ZNF207: variants seen among roughly 807,000 people sequenced by gnomAD.
ZNF207 encodes BUB3-interacting and GLEBS motif-containing protein ZNF207.
A neutral mutation model predicts 60.2 loss-of-function variants in ZNF207; 24 were observed. That is an observed-to-expected ratio of 0.40 (90% CI 0.29 to 0.56). The LOEUF is 0.56. ZNF207 is among the 20% of genes least tolerant of loss of function. The pLI, the probability that ZNF207 is intolerant of heterozygous loss-of-function variation, is 0.49. For synonymous variants in ZNF207, 236 were observed against 194.7 expected, an observed-to-expected ratio of 1.21 and a Z score of -1.77; for missense variants, 452 against 636.6, an observed-to-expected ratio of 0.71 and a Z score of 3.12.
At chr17:32,366,345 C>A (rs1905161121) in intron 8 of ZNF207, among the ~76,000 whole-genome samples, 1 of 152,106 alleles carries the variant, frequency 6.6e-6, no homozygotes, top group Admixed American at 6.5e-5. Context: ...ATCATTGATA[C>A]AGAATTGGAT....
At chr17:32,353,134 A>G (rs1282360303) in intron 2 of ZNF207, among the ~76,000 whole-genome samples, 1 of 152,226 alleles carries the variant, frequency 6.6e-6, no homozygotes, top group East Asian at 1.9e-4. Flanking sequence ...AGATGGTGCC[A>G]CTGCATTCCA....
At chr17:32,365,542 T>C (rs1905120375) in intron 8 of ZNF207, 55 bp downstream of exon 8, 1 of 1,527,712 alleles carries the variant, frequency 6.5e-7, no homozygotes, top group South Asian at 1.3e-5. Context: ...AAAGTACAGT[T>C]GTTTACAGAA....
intron 3 of ZNF207, 128 bp downstream of exon 3, chr17:32,358,769 T>A (rs1597771658): frequency 3.0e-6 from 2 of 675,954 alleles, no homozygotes; most frequent in Non-Finnish European, 4.2e-6. Context: ...CTGCATCTTC[T>A]GCCTCCGGGG....
At chr17:32,352,249 C>A (rs2041521915) in intron 2 of ZNF207, among the ~76,000 whole-genome samples, 1 of 152,080 alleles carries the variant, frequency 6.6e-6, no homozygotes, top group South Asian at 2.1e-4. Flanking sequence ...GGATTACAGG[C>A]GTGAGCCACC....
Position 32,375,251 on chromosome 17 carries a change from A to G in ZNF207, c.*5492A>G, listed in dbSNP as rs1905637165. On this transcript the variant is annotated 3_prime_UTR_variant, in exon 12 of 12. Coordinates refer to ENST00000394670, the MANE Select transcript of ZNF207 (RefSeq NM_001098507.2). ...TTTAAAGAATTTTGTTGCTTCCATG[A>G]CAAAATATCCCATTGGACTATTTTA... The G allele has an allele frequency of 6.6e-6, 1 of 152,226 alleles. No individual in the cohort carries two copies. Among genetic ancestry groups the G allele is most frequent in the South Asian group, 2.1e-4 (1 of 4,836 alleles). The allele number at this position is 152,226 out of a possible 1,614,324, so 9.4% of individuals were successfully genotyped here.
In ZNF207 at chr17:32,369,764, A is replaced by T. The variant is rs374763207; in HGVS notation, c.*5A>T. On this transcript the variant is annotated 3_prime_UTR_variant, in exon 12 of 12. Transcript: ENST00000394670. Reference sequence around the variant, plus strand: ...TCGCAAGGTGGCCGTTACTGATCTTACTTCATCCAGTCTAATAGGTTTGGA... The same window carrying T: ...TCGCAAGGTGGCCGTTACTGATCTTTCTTCATCCAGTCTAATAGGTTTGGA... The T allele has an allele frequency of 1.6e-5, 24 of 1,516,966 alleles. No individual in the cohort carries two copies. Among genetic ancestry groups the T allele is most frequent in the African/African-American group, 1.5e-4 (11 of 71,832 alleles). 94.0% of individuals were successfully genotyped at this position (1,516,966 alleles called of 1,614,324 possible).
Position 32,369,721 on chromosome 17 carries a change from A to G in ZNF207, c.1447A>G (p.Met483Val), listed in dbSNP as rs1218245733. The G allele has an allele frequency of 4.4e-6, 7 of 1,583,436 alleles. No individual in the cohort carries two copies. The highest frequency in any genetic ancestry group is 1.2e-5 in the South Asian group (1 of 86,002). ...QGGPPRPPMGMRPPVMSQGGR... is the reference protein window; with the variant it reads ...QGGPPRPPMGVRPPVMSQGGR... ...TGGGCCTCCTCGACCTCCGATGGGA[A>G]TGAGACCTCCTGTAATGTCGCAAGG... Residue 483 changes from methionine to valine, a missense_variant, in exon 12 of 12, where the codon ATG (methionine) becomes GTG (valine). By Grantham distance (21) the Met-to-Val change is conservative. Coordinates refer to ENST00000394670, the MANE Select transcript of ZNF207 (RefSeq NM_001098507.2).
At chr17:32,366,266 C>T (rs1245345294) in intron 8 of ZNF207, among the ~76,000 whole-genome samples, 1 of 151,842 alleles carries the variant, frequency 6.6e-6, no homozygotes. Context: ...ATTAACCTAG[C>T]TTTTATGGTG....
intron 6 of ZNF207, among the ~76,000 whole-genome samples, chr17:32,361,851 ATCTAT>A (rs1904897782): frequency 6.6e-6 from 1 of 152,206 alleles, no homozygotes; most frequent in Non-Finnish European, 1.5e-5. Flanking sequence ...GAATTTTCTA[ATCTAT>A]TAATAGAAGT....
chr17:32,351,136 G>A (rs1329713434), intron 1 of ZNF207: 3 of 160,870 alleles, frequency 1.9e-5, no homozygotes, highest in Non-Finnish European at 4.1e-5. Flanking sequence ...GCTTAAATAC[G>A]GTTACGAATT....
In ZNF207 at chr17:32,365,365, C is replaced by G. The variant is rs762054454; in HGVS notation, c.706C>G (p.Pro236Ala). ...PPPVPRPGIP[P>A]MTQAQAVSAP... ...ACCTGTTCCACGTCCTGGAATTCCT[C>G]CAATGACTCAAGCACAGGCTGTTTC... The change falls in exon 8 of 12, where the codon CCA becomes GCA. Residue 236 changes from proline (P) to alanine (A), a missense_variant. Physicochemically the swap from Pro to Ala is conservative, Grantham distance 27. This residue lies in a region of ZNF207 where 390 missense variants were observed against 461.4 expected (regional missense o/e 0.85). Coordinates refer to ENST00000394670, the MANE Select transcript of ZNF207 (RefSeq NM_001098507.2). 1.2e-6 allele frequency: 2 copies of G among 1,613,990 alleles called. No individual in the cohort carries two copies. Among genetic ancestry groups the G allele is most frequent in the Non-Finnish European group, 1.7e-6 (2 of 1,179,928 alleles).
At chr17:32,367,286 A>ATATAG in intron 9 of ZNF207, among the ~76,000 whole-genome samples, 1 of 43,362 alleles carries the variant, frequency 2.3e-5, no homozygotes, top group South Asian at 7.6e-4. Flanking sequence ...TATATATATA[A>ATATAG]AGAATACTAC....
rs1169653339 is a variant in ZNF207, at chr17:32,378,234, G to A, written c.*8475G>A. 2 of 151,954 alleles carry A rather than the reference G, an allele frequency of 1.3e-5. No individual in the cohort carries two copies. The highest frequency in any genetic ancestry group is 2.9e-5 in the Non-Finnish European group (2 of 67,894). The allele number at this position is 151,954 out of a possible 1,614,324, so 9.4% of individuals were successfully genotyped here. On this transcript the variant is annotated 3_prime_UTR_variant, in exon 12 of 12. Transcript: ENST00000394670. ...TAAGTAGATACATTGTACATAAAAG[G>A]AAAAGACAGTTTCAGTTGGCTATGC...
rs929309010 is a variant in ZNF207, at chr17:32,374,882, A to G, written c.*5123A>G. 6.6e-6 allele frequency: 1 copy of G among 152,246 alleles called. No individual in the cohort carries two copies. Among genetic ancestry groups the G allele is most frequent in the East Asian group, 1.9e-4 (1 of 5,204 alleles). 9.4% of individuals were successfully genotyped at this position (152,246 alleles called of 1,614,324 possible). Reference sequence around the variant, plus strand: ...CCTCACTGAACAGTGTTTTACGCACATGTGAAAAGTATCCACATTTGTTTC... The same window carrying G: ...CCTCACTGAACAGTGTTTTACGCACGTGTGAAAAGTATCCACATTTGTTTC... On this transcript the variant is annotated 3_prime_UTR_variant, in exon 12 of 12. Coordinates refer to ENST00000394670, the MANE Select transcript of ZNF207 (RefSeq NM_001098507.2).
Position 32,360,633 on chromosome 17 carries a change from GA to G in ZNF207, c.345del (p.Glu115AspfsTer49). ...AAAGAAGCAACAAGATGATTCTGAT[GA>G]ATATGATGATGACGACTCTGCAGCC... ...QKKKQQDDSD[E>X]YDDDDSAAST... On this transcript the variant is annotated frameshift_variant, in exon 4 of 12. Transcript: ENST00000394670. LOFTEE classifies it high-confidence loss of function. 6.2e-7 allele frequency: 1 copy of G among 1,612,258 alleles called. No individual in the cohort carries two copies. The highest frequency in any genetic ancestry group is 8.5e-7 in the Non-Finnish European group (1 of 1,179,528).
In ZNF207 at chr17:32,378,819, A is replaced by G. The variant is rs1905774163; in HGVS notation, c.*9060A>G. 6.6e-6 allele frequency: 1 copy of G among 152,110 alleles called. No individual in the cohort carries two copies. 9.4% of individuals were successfully genotyped at this position (152,110 alleles called of 1,614,324 possible). On this transcript the variant is annotated 3_prime_UTR_variant, in exon 12 of 12. Coordinates refer to ENST00000394670, the MANE Select transcript of ZNF207 (RefSeq NM_001098507.2). ...TGTAAAGCACTGAGGAGGGAGGAATAAAGCATACAAGTTAATTTCTAATTT... is the reference window on the plus strand; with the variant it reads ...TGTAAAGCACTGAGGAGGGAGGAATGAAGCATACAAGTTAATTTCTAATTT...
In ZNF207 at chr17:32,375,782, A is replaced by G. The variant is rs547302814; in HGVS notation, c.*6023A>G. The stretch of plus-strand genomic sequence containing the variant: ...TTGAGTAATCTTTCTGCGTTATTCC[A>G]AATTGAAATTTGTTTGCTCTTCATT... On this transcript the variant is annotated 3_prime_UTR_variant, in exon 12 of 12. Transcript: ENST00000394670. 2 of 152,242 alleles carry G rather than the reference A, an allele frequency of 1.3e-5. No individual in the cohort carries two copies. Among genetic ancestry groups the G allele is most frequent in the East Asian group, 1.9e-4 (1 of 5,188 alleles). 9.4% of individuals were successfully genotyped at this position (152,242 alleles called of 1,614,324 possible).
rs1229132791 is a variant in ZNF207, at chr17:32,367,754, A to C, written c.922-18A>C. The C allele has an allele frequency of 3.1e-6, 5 of 1,610,096 alleles. No homozygotes were observed. Among genetic ancestry groups the C allele is most frequent in the Non-Finnish European group, 4.2e-6 (5 of 1,177,966 alleles). ...TTAAGGTTTTGAAGTTTCGTTGATG[A>C]AGTATTGTATTTTACAGGCTCAGGC... On this transcript the variant is annotated intron_variant, in intron 9 of 11. Coordinates refer to ENST00000394670, the MANE Select transcript of ZNF207 (RefSeq NM_001098507.2).
chr17:32,368,301 A>G (rs1280892172), intron 10 of ZNF207: 1 of 394,044 alleles, frequency 2.5e-6, no homozygotes. Flanking sequence ...TTAGTTAAAC[A>G]TAAGTTTGCA....
Sources: allele counts gnomAD v4.1 joint callset (sites outside exome capture counted in the v4.1 genomes callset), GRCh38; gene constraint gnomAD v4.1.1; regional missense constraint gnomAD v4.1.1; transcripts MANE v1.5; gene names NCBI Gene and HGNC (gene_info 2026-07-23, HGNC 2026-07-21).